WWOX: variants seen among roughly 807,000 people sequenced by gnomAD.
WWOX encodes WW domain-containing oxidoreductase.
Under a neutral mutation model 46.2 loss-of-function variants are expected in WWOX, and 69 were observed. That is an observed-to-expected ratio of 1.49 (90% CI 1.23 to 1.82). The LOEUF is 1.82. WWOX is among the 40% of genes most tolerant of loss of function. The pLI is 0.00. For missense variants in WWOX, 919 were observed against 542.6 expected (o/e 1.69, Z -6.89); for synonymous variants, 359 against 202.6 (o/e 1.77, Z -6.56).
chr16:78,998,286 A>T (rs56067029), intron 8 of WWOX, among the ~76,000 whole-genome samples: 51,493 of 152,044 alleles, frequency 0.34, 10,248 homozygotes, highest in Non-Finnish European at 0.44. Flanking sequence ...ATTCTCTCTG[A>T]TCTAAGGTGT....
At chr16:79,159,311 T>G (rs1010129667) in intron 8 of WWOX, among the ~76,000 whole-genome samples, 7 of 152,214 alleles carry the variant, frequency 4.6e-5, no homozygotes, top group African/African-American at 1.7e-4. Context: ...CTAAATGAAA[T>G]TATAAAGCAG....
At chr16:78,830,312 A>ATT (rs1567589988) in intron 8 of WWOX, among the ~76,000 whole-genome samples, 1 of 151,936 alleles carries the variant, frequency 6.6e-6, no homozygotes, top group Non-Finnish European at 1.5e-5. Context: ...AAGCATATTT[A>ATT]TATATATACA....
rs62034371 is a variant in WWOX at position 78,321,358 on chromosome 16, G to A, written c.517-65502G>A. On this transcript the variant is annotated intron_variant, in intron 5 of 8. Transcript: ENST00000566780. Reference sequence around the variant, plus strand: ...TATGCGTATATATATACGTATATATGCGTATATATATACGTATATATGCGT... The same window carrying A: ...TATGCGTATATATATACGTATATATACGTATATATATACGTATATATGCGT... Among the ~76,000 whole-genome samples, 186 of 33,660 alleles carry A rather than the reference G, an allele frequency of 5.5e-3. 16 individuals carry two copies. Among genetic ancestry groups the A allele is most frequent in the African/African-American group, 0.046 (168 of 3,614 alleles). The allele number at this position is 33,660 out of a possible 152,430, so 22.1% of individuals were successfully genotyped here.
chr16:78,835,565 CAT>C (rs1463452409), intron 8 of WWOX, among the ~76,000 whole-genome samples: 1 of 152,176 alleles, frequency 6.6e-6, no homozygotes, highest in Non-Finnish European at 1.5e-5. Context: ...TGTTCACACA[CAT>C]ATTGATATCA....
intron 1 of WWOX, among the ~76,000 whole-genome samples, chr16:78,100,777 T>C (rs1484460909): frequency 6.6e-6 from 1 of 152,236 alleles, no homozygotes; most frequent in Non-Finnish European, 1.5e-5. Flanking sequence ...GTTCCTTAAC[T>C]GTCGTTCCTT....
At chr16:79,152,131 A>C (rs1349545192) in intron 8 of WWOX, among the ~76,000 whole-genome samples, 1 of 152,192 alleles carries the variant, frequency 6.6e-6, no homozygotes, top group Non-Finnish European at 1.5e-5. Flanking sequence ...AGAGTAAAAG[A>C]TATCGATTTT....
chr16:78,549,523 G>A (rs1277940911), intron 8 of WWOX, among the ~76,000 whole-genome samples: 1 of 152,124 alleles, frequency 6.6e-6, no homozygotes, highest in African/African-American at 2.4e-5. Context: ...CTCGACTTCT[G>A]TGTGTCTCCT....
chr16:78,454,819 G>A (rs1349474587), intron 8 of WWOX, among the ~76,000 whole-genome samples: 1 of 152,050 alleles, frequency 6.6e-6, no homozygotes, highest in Non-Finnish European at 1.5e-5. Context: ...TTGTTTTTGT[G>A]TATGTGCCAA....
rs555414147 is a variant in WWOX at position 78,717,229 on chromosome 16, C to A, written c.1056+284477C>A. On this transcript the variant is annotated intron_variant, in intron 8 of 8. Coordinates refer to ENST00000566780, the MANE Select transcript of WWOX (RefSeq NM_016373.4). ...TGTGTTTTTTAAATTTAATTTAAAT[C>A]AATTCATTAAGCATTGCTAAATTGG... 2.0e-5 allele frequency among the ~76,000 whole-genome samples: 3 copies of A among 152,176 alleles called. No individual in the cohort carries two copies. In the Middle Eastern group the frequency reaches 0.01, roughly 518 times the overall value.
At position 78,966,225 on chromosome 16, in the gene WWOX, G is replaced by T. The variant is rs577095433; in HGVS notation, c.1057-245383G>T. 3.3e-5 allele frequency among the ~76,000 whole-genome samples: 5 copies of T among 152,220 alleles called. No individual in the cohort carries two copies. The South Asian group carries it at 1.0e-3, about 32-fold the overall frequency. On this transcript the variant is annotated intron_variant, in intron 8 of 8. Transcript: ENST00000566780. ...AAAAGTCAGGTTGAGTTTTCTAAAG[G>T]CACTGGTTTAAGAGGCTATAGGTTA...
intron 5 of WWOX, among the ~76,000 whole-genome samples, chr16:78,353,940 ATCTG>A (rs1399134152): frequency 6.6e-6 from 1 of 152,224 alleles, no homozygotes; most frequent in African/African-American, 2.4e-5. Flanking sequence ...TTAAGTGAAC[ATCTG>A]TCTAATTGTT....
At chr16:78,832,027 C>G (rs2051841436) in intron 8 of WWOX, among the ~76,000 whole-genome samples, 1 of 152,152 alleles carries the variant, frequency 6.6e-6, no homozygotes, top group Admixed American at 6.5e-5. Context: ...CCATTGCTGC[C>G]TAACAAATTA....
intron 5 of WWOX, among the ~76,000 whole-genome samples, chr16:78,357,637 G>C (rs78098743): frequency 0.048 from 7,369 of 152,238 alleles, 231 homozygotes; most frequent in Non-Finnish European, 0.073. Flanking sequence ...ACACAGCTTT[G>C]TGGTGTTGGA....
chr16:78,518,660 T>C (rs1014906973), intron 8 of WWOX, among the ~76,000 whole-genome samples: 1 of 152,218 alleles, frequency 6.6e-6, no homozygotes, highest in Admixed American at 6.5e-5. Context: ...TTAAGAACTT[T>C]TTATTGAATG....
intron 8 of WWOX, among the ~76,000 whole-genome samples, chr16:78,741,767 A>G (rs561027296): frequency 2.0e-5 from 3 of 152,050 alleles, no homozygotes; most frequent in Admixed American, 2.0e-4. Context: ...AGGCAGGAGA[A>G]TTGCTTGAAT....
chr16:78,942,633 T>C (rs2045874942), intron 8 of WWOX, among the ~76,000 whole-genome samples: 1 of 152,206 alleles, frequency 6.6e-6, no homozygotes, highest in South Asian at 2.1e-4. Flanking sequence ...GTTTGAGACA[T>C]ACTTTTCACA....
At chr16:79,069,558 G>GTTT (rs34594978) in intron 8 of WWOX, among the ~76,000 whole-genome samples, 13 of 143,486 alleles carry the variant, frequency 9.1e-5, no homozygotes, top group African/African-American at 3.3e-4. Flanking sequence ...TTATTGGTAG[G>GTTT]TTTTTTTTTT....
At chr16:78,723,688 A>C (rs1432421097) in intron 8 of WWOX, among the ~76,000 whole-genome samples, 5 of 119,638 alleles carry the variant, frequency 4.2e-5, no homozygotes, top group Non-Finnish European at 8.8e-5. Context: ...TAATGTTGGA[A>C]AGCTTTCTGC....
At chr16:78,309,105 C>T (rs1360641610) in intron 5 of WWOX, among the ~76,000 whole-genome samples, 1 of 152,124 alleles carries the variant, frequency 6.6e-6, no homozygotes, top group African/African-American at 2.4e-5. Context: ...TTGAATCCAC[C>T]TGATATGGTT....
Sources: allele counts gnomAD v4.1 joint callset (sites outside exome capture counted in the v4.1 genomes callset), GRCh38; gene constraint gnomAD v4.1.1; transcripts MANE v1.5; gene names NCBI Gene and HGNC (gene_info 2026-07-23, HGNC 2026-07-21).